The following TRMT9B variants were observed in gnomAD, a reference collection of about 807,000 sequenced individuals.
The protein encoded by TRMT9B is tRNA methyltransferase 9B (putative).
A neutral mutation model predicts 11.5 loss-of-function variants in TRMT9B; 16 were observed. That is an observed-to-expected ratio of 1.39 (90% confidence interval 0.94 to 2.11). The LOEUF is 2.11. Ranked by LOEUF, TRMT9B falls within the 30% of genes most tolerant of loss-of-function variation. TRMT9B has a pLI of 0.00. For missense variants in TRMT9B, 941 were observed against 553.8 expected, an observed-to-expected ratio of 1.70 and a Z score of -7.02; for synonymous variants, 274 against 192.4, an observed-to-expected ratio of 1.42 and a Z score of -3.51.
At chr8:12,983,771 C>T (rs1805803998) in intron 1 of TRMT9B, among the ~76,000 whole-genome samples, 2 of 152,094 alleles carry the variant, frequency 1.3e-5, no homozygotes, top group Non-Finnish European at 1.5e-5. Context: ...CTTCTTGCCT[C>T]AAAAAATAAA....
rs1223540759 is a variant in TRMT9B, at chr8:13,005,085, C to CAAAA, written c.-1-1105_-1-1102dup. On this transcript the variant is annotated intron_variant, in intron 2 of 4. Coordinates refer to ENST00000524591, the MANE Select transcript of TRMT9B (RefSeq NM_020844.3). ...TGGGCGATACAGCGAGACTGCATCT[C>CAAAA]AAAAAAAAAAAAAAAGAAAAAGAAA... 5.1e-3 allele frequency among the ~76,000 whole-genome samples: 444 copies of CAAAA among 87,582 alleles called. 3 individuals carry two copies. The highest frequency in any genetic ancestry group is 0.019 in the African/African-American group (418 of 22,526). The allele number at this position is 87,582 out of a possible 152,430, so 57.5% of individuals were successfully genotyped here.
chr8:13,012,853 A>G lies in TRMT9B; in HGVS notation c.324A>G (p.Ile108Met). 1 of 1,613,666 alleles carries G rather than the reference A, an allele frequency of 6.2e-7. No homozygotes were observed. Among genetic ancestry groups the G allele is most frequent in the Non-Finnish European group, 8.5e-7 (1 of 1,179,790 alleles). The change falls in exon 4 of 5, where the codon ATA becomes ATG. Residue 108 changes from isoleucine to methionine, a missense_variant. Ile to Met is a conservative substitution (Grantham distance 10). Transcript: ENST00000524591. ...RDEGFDAIIS[I>M]GVIHHFSTKQ... The stretch of plus-strand genomic sequence containing the variant: ...AGGGCTTCGATGCCATCATCTCCAT[A>G]GGAGGTAAGGCAGCCAGATCACACA...
chr8:12,997,212 A>G (rs57282636), intron 2 of TRMT9B, among the ~76,000 whole-genome samples: 10,244 of 151,982 alleles, frequency 0.067, 564 homozygotes, highest in East Asian at 0.22. Context: ...TGTTCGGGTT[A>G]TGGTGGTGGA....
intron 1 of TRMT9B, among the ~76,000 whole-genome samples, chr8:12,956,320 G>A (rs900455646): frequency 6.6e-6 from 1 of 152,272 alleles, no homozygotes; most frequent in South Asian, 2.1e-4. Context: ...CTTTGGAAAG[G>A]TAAGAGGATA....
chr8:12,961,100 C>A (rs1802041860), intron 1 of TRMT9B, among the ~76,000 whole-genome samples: 1 of 152,016 alleles, frequency 6.6e-6, no homozygotes, highest in Non-Finnish European at 1.5e-5. Context: ...GAGATTGCAC[C>A]ACTGCACTCC....
chr8:12,973,897 T>C (rs1804014593), intron 1 of TRMT9B, among the ~76,000 whole-genome samples: 1 of 152,158 alleles, frequency 6.6e-6, no homozygotes, highest in African/African-American at 2.4e-5. Flanking sequence ...CGGTGGCTCA[T>C]ACCTGTAATC....
chr8:13,016,235 T>TA (rs202222652), intron 4 of TRMT9B, among the ~76,000 whole-genome samples: 1 of 79,206 alleles, frequency 1.3e-5, no homozygotes, highest in Admixed American at 1.5e-4. Context: ...GAAATATATA[T>TA]TATATATAAA....
chr8:13,006,508 T>C (rs1251663387), intron 3 of TRMT9B, 152 bp downstream of exon 3: 11 of 1,474,726 alleles, frequency 7.5e-6, no homozygotes, highest in South Asian at 1.4e-5. Context: ...ATGAAATACC[T>C]TCCATTGAGC....
chr8:13,000,987 T>G lies in TRMT9B; in HGVS notation c.-1-5215T>G, dbSNP rs115339690. 6.8e-3 allele frequency among the ~76,000 whole-genome samples: 1,039 copies of G among 152,238 alleles called. 13 individuals carry two copies. The highest frequency in any genetic ancestry group is 0.023 in the African/African-American group (967 of 41,558). Reference sequence around the variant, plus strand: ...AGATGAGTGACCCTGAGCCCCTATCTAGAGCCTACATAGGGACTAGAACTA... The same window carrying G: ...AGATGAGTGACCCTGAGCCCCTATCGAGAGCCTACATAGGGACTAGAACTA... On this transcript the variant is annotated intron_variant, in intron 2 of 4. Coordinates refer to ENST00000524591, the MANE Select transcript of TRMT9B (RefSeq NM_020844.3).
chr8:12,966,983 T>A (rs562097939), intron 1 of TRMT9B, among the ~76,000 whole-genome samples: 2 of 152,360 alleles, frequency 1.3e-5, no homozygotes, highest in East Asian at 3.9e-4. Flanking sequence ...TAGGTAGTAC[T>A]CTAGTACTCA....
chr8:12,982,427 C>T (rs1275536637), intron 1 of TRMT9B, among the ~76,000 whole-genome samples: 2 of 152,050 alleles, frequency 1.3e-5, no homozygotes, highest in East Asian at 1.9e-4. Flanking sequence ...TTTGGGATGC[C>T]GAGGTAGGTG....
intron 2 of TRMT9B, among the ~76,000 whole-genome samples, chr8:12,991,525 T>G (rs537030426): frequency 6.6e-6 from 1 of 152,250 alleles, no homozygotes; most frequent in Non-Finnish European, 1.5e-5. Context: ...TTTTATGCTC[T>G]CTCTTTTTTA....
At chr8:13,018,534 AC>A (rs1239334416) in intron 4 of TRMT9B, among the ~76,000 whole-genome samples, 20 of 151,742 alleles carry the variant, frequency 1.3e-4, no homozygotes, top group African/African-American at 4.8e-4. Context: ...GTCTTATACC[AC>A]CCCCCAAAAA....
chr8:12,955,284 G>T (rs973790752), intron 1 of TRMT9B, among the ~76,000 whole-genome samples: 1 of 152,186 alleles, frequency 6.6e-6, no homozygotes, highest in African/African-American at 2.4e-5. Flanking sequence ...CTTTGACTCA[G>T]CTAGGTTAAA....
rs1243188329 is a variant in TRMT9B at position 13,021,224 on chromosome 8, G to C, written c.545G>C (p.Gly182Ala). The C allele has an allele frequency of 1.9e-6, 3 of 1,613,780 alleles. No individual in the cohort carries two copies. Among genetic ancestry groups the C allele is most frequent in the Non-Finnish European group, 2.5e-6 (3 of 1,179,836 alleles). ...CAGTCTGGGAGGAAGAGGCAGTGTG[G>C]ATACCCAGAAAGAGGCCATCCCTAC... ...SSQSGRKRQC[G>A]YPERGHPYHP... The change falls in exon 5 of 5, where the codon GGA becomes GCA. Residue 182 changes from glycine (G) to alanine (A), a missense_variant. Gly to Ala is a moderately conservative substitution (Grantham distance 60). Transcript: ENST00000524591.
Position 13,026,942 on chromosome 8 carries a change from T to C in TRMT9B, c.*4898T>C, listed in dbSNP as rs75804001. ...AATTCAATAGTAGTCTCTTACATATTTTCCCTTTTATCTTTTTTTCATTTG... is the reference window on the plus strand; with the variant it reads ...AATTCAATAGTAGTCTCTTACATATCTTCCCTTTTATCTTTTTTTCATTTG... On this transcript the variant is annotated 3_prime_UTR_variant, in exon 5 of 5. Transcript: ENST00000524591. The C allele has an allele frequency of 0.022, 3,615 of 167,212 alleles. 75 individuals carry two copies. Among genetic ancestry groups the C allele is most frequent in the Non-Finnish European group, 0.024 (1,667 of 68,112 alleles). 10.4% of individuals were successfully genotyped at this position (167,212 alleles called of 1,614,324 possible). A position where few individuals can be genotyped will look rare whatever the true frequency, so the allele number is the denominator to read the frequency against.
chr8:12,968,951 C>G (rs1351912454), intron 1 of TRMT9B, among the ~76,000 whole-genome samples: 1 of 152,172 alleles, frequency 6.6e-6, no homozygotes, highest in Non-Finnish European at 1.5e-5. Flanking sequence ...GTGGCTCATG[C>G]CTGTAATCCC....
At chr8:12,955,400 T>C (rs528297075) in intron 1 of TRMT9B, among the ~76,000 whole-genome samples, 125 of 152,252 alleles carry the variant, frequency 8.2e-4, no homozygotes, top group African/African-American at 2.8e-3. Flanking sequence ...CGTGTTTTTA[T>C]TCTCTTTGCC....
rs1814698438 is a variant in TRMT9B, at chr8:13,026,445, G to A, written c.*4401G>A. On this transcript the variant is annotated 3_prime_UTR_variant, in exon 5 of 5. Coordinates refer to ENST00000524591, the MANE Select transcript of TRMT9B (RefSeq NM_020844.3). ...TTGTATATAGATTATAAATATATAA[G>A]GGGGAAAGGGGTGGGGGGGAGGGGT... is the stretch of plus-strand genomic sequence containing the variant. 1 of 166,382 alleles carries A rather than the reference G, an allele frequency of 6.0e-6. No individual in the cohort carries two copies. Among genetic ancestry groups the A allele is most frequent in the South Asian group, 2.1e-4 (1 of 4,816 alleles). The allele number at this position is 166,382 out of a possible 1,614,324, so 10.3% of individuals were successfully genotyped here.
Sources: allele counts gnomAD v4.1 joint callset (sites outside exome capture counted in the v4.1 genomes callset), GRCh38; gene constraint gnomAD v4.1.1; transcripts MANE v1.5; gene names NCBI Gene and HGNC (gene_info 2026-07-23, HGNC 2026-07-21).